PDE10A: variants seen among roughly 807,000 people sequenced by gnomAD.
PDE10A encodes the protein phosphodiesterase 10A, also known as cAMP and cAMP-inhibited cGMP 3',5'-cyclic phosphodiesterase 10A.
In PDE10A, 39 loss-of-function variants were observed where a neutral mutation model predicts 97.7. The observed-to-expected ratio is 0.40, with a 90% CI of 0.31 to 0.52. The LOEUF (loss-of-function observed/expected upper bound fraction) is 0.52, where lower values mean the gene tolerates loss of function less well. PDE10A is among the 20% of genes least tolerant of loss of function. PDE10A has a pLI of 0.56. For synonymous variants in PDE10A, 371 were observed against 376.8 expected, an observed-to-expected ratio of 0.98 and a Z score of 0.18; for missense variants, 731 against 1,047.8, an observed-to-expected ratio of 0.70 and a Z score of 4.17.
intron 1 of PDE10A, among the ~76,000 whole-genome samples, chr6:165,641,124 G>A (rs1486701268): frequency 6.6e-6 from 1 of 152,226 alleles, no homozygotes; most frequent in Non-Finnish European, 1.5e-5. Context: ...CTGAATAGAG[G>A]AGGATGGCCA....
At chr6:165,811,929 C>G (rs549834467) in intron 1 of PDE10A, among the ~76,000 whole-genome samples, 2 of 152,302 alleles carry the variant, frequency 1.3e-5, no homozygotes, top group African/African-American at 4.8e-5. Context: ...TCTCAGCTCA[C>G]TGCAACCTCT....
At chr6:165,987,111 C>T (rs956262684) in intron 1 of PDE10A, among the ~76,000 whole-genome samples, 3 of 152,120 alleles carry the variant, frequency 2.0e-5, no homozygotes, top group Non-Finnish European at 4.4e-5. Context: ...TTCTCCAGGC[C>T]GCCTCGGGAG....
chr6:165,744,244 G>A (rs1792794893), intron 1 of PDE10A, among the ~76,000 whole-genome samples: 1 of 152,122 alleles, frequency 6.6e-6, no homozygotes. Context: ...GGAGCCAACA[G>A]CATAAAACAG....
intron 2 of PDE10A, among the ~76,000 whole-genome samples, chr6:165,487,126 A>G (rs1304597807): frequency 6.6e-6 from 1 of 152,232 alleles, no homozygotes; most frequent in Non-Finnish European, 1.5e-5. Flanking sequence ...TTGAGATGGC[A>G]AATGACAGTG....
Position 165,663,177 on chromosome 6 carries a change from G to C in PDE10A, c.-366C>G, listed in dbSNP as rs1025653172. On this transcript the variant is annotated 5_prime_UTR_variant, in exon 1 of 22. Transcript: ENST00000539869. ...TCGGCGGCTTCTCGAAAGCAGCGGA[G>C]AAAAGCGCCGCAGTGCCGCTGCCCG... Among the ~76,000 whole-genome samples the C allele has an allele frequency of 6.6e-6, 1 of 151,964 alleles. No individual in the cohort carries two copies. The highest frequency in any genetic ancestry group is 1.5e-5 in the Non-Finnish European group (1 of 67,960).
chr6:165,656,297 C>T (rs1039672067), intron 1 of PDE10A, among the ~76,000 whole-genome samples: 2 of 145,396 alleles, frequency 1.4e-5, no homozygotes, highest in South Asian at 2.3e-4. Flanking sequence ...CACACACACA[C>T]CTTTCCAATC....
chr6:165,980,380 T>C (rs1784978215), intron 1 of PDE10A, among the ~76,000 whole-genome samples: 1 of 122,602 alleles, frequency 8.2e-6, no homozygotes, highest in South Asian at 3.1e-4. Context: ...AAGTACTGTG[T>C]GGTTGCTTAT....
At chr6:165,776,484 C>G (rs1278409661) in intron 1 of PDE10A, among the ~76,000 whole-genome samples, 2 of 152,256 alleles carry the variant, frequency 1.3e-5, no homozygotes, top group Non-Finnish European at 2.9e-5. Flanking sequence ...TGCTTTCACT[C>G]TAATGCCTTA....
intron 1 of PDE10A, among the ~76,000 whole-genome samples, chr6:165,640,795 T>A (rs559860178): frequency 1.3e-5 from 2 of 152,256 alleles, no homozygotes; most frequent in Non-Finnish European, 2.9e-5. Context: ...AAATTACTTA[T>A]GAAAATGGTT....
chr6:165,903,510 C>T (rs78274491), intron 1 of PDE10A, among the ~76,000 whole-genome samples: 14,346 of 152,048 alleles, frequency 0.094, 843 homozygotes, highest in African/African-American at 0.16. Flanking sequence ...GACTAGGAGA[C>T]AGAAAAGACA....
chr6:165,784,122 G>A (rs1778422952), intron 1 of PDE10A, among the ~76,000 whole-genome samples: 1 of 151,830 alleles, frequency 6.6e-6, no homozygotes, highest in Non-Finnish European at 1.5e-5. Flanking sequence ...GGAGGCTGAG[G>A]CAGGAGAATC....
intron 1 of PDE10A, among the ~76,000 whole-genome samples, chr6:165,975,429 A>C (rs1784820268): frequency 6.6e-6 from 1 of 152,080 alleles, no homozygotes; most frequent in Admixed American, 6.5e-5. Context: ...ACATAGCGAG[A>C]CCTCATCTCT....
At chr6:165,645,379 G>C (rs961121645) in intron 1 of PDE10A, among the ~76,000 whole-genome samples, 3 of 152,220 alleles carry the variant, frequency 2.0e-5, no homozygotes, top group African/African-American at 7.2e-5. Context: ...CTTATCTCAG[G>C]CTCTGTGGGC....
chr6:165,422,405 G>A (rs1262773126), intron 10 of PDE10A, among the ~76,000 whole-genome samples: 2 of 124,792 alleles, frequency 1.6e-5, no homozygotes, highest in African/African-American at 3.0e-5. Flanking sequence ...ACACACATAC[G>A]CATACACACA....
intron 1 of PDE10A, among the ~76,000 whole-genome samples, chr6:165,783,421 C>A (rs1407093024): frequency 2.0e-5 from 3 of 152,152 alleles, no homozygotes; most frequent in Non-Finnish European, 2.9e-5. Flanking sequence ...CCCATTCATA[C>A]CATTTCTATA....
chr6:165,575,300 T>A (rs1785247292), intron 1 of PDE10A, among the ~76,000 whole-genome samples: 1 of 152,180 alleles, frequency 6.6e-6, no homozygotes, highest in Non-Finnish European at 1.5e-5. Context: ...TGGCTCCCTA[T>A]ACTGATCCCA....
chr6:165,351,449 C>CA (rs1782690078), intron 18 of PDE10A, among the ~76,000 whole-genome samples: 1 of 152,068 alleles, frequency 6.6e-6, no homozygotes, highest in African/African-American at 2.4e-5. Flanking sequence ...ATTACCAGGA[C>CA]AAAAAATGCC....
At chr6:165,524,613 T>C (rs967100205) in intron 2 of PDE10A, among the ~76,000 whole-genome samples, 2 of 152,120 alleles carry the variant, frequency 1.3e-5, no homozygotes, top group Admixed American at 6.6e-5. Context: ...AGGGATTCTG[T>C]CTCCTGGCTT....
At chr6:165,646,004 A>G (rs939191154) in intron 1 of PDE10A, among the ~76,000 whole-genome samples, 4 of 152,166 alleles carry the variant, frequency 2.6e-5, no homozygotes, top group African/African-American at 9.7e-5. Flanking sequence ...GGGAGGCAAA[A>G]TAACCCAGCA....
Sources: gnomAD v4.1 joint callset for allele counts (sites outside exome capture counted in the v4.1 genomes callset) on GRCh38, gnomAD v4.1.1 for gene constraint, MANE v1.5 for transcripts, NCBI Gene and HGNC (gene_info 2026-07-23, HGNC 2026-07-21) for gene names.